Variants in KCTD14 observed in about 807,000 individuals in gnomAD.
The protein encoded by KCTD14 is potassium channel tetramerization domain containing 14.
A neutral mutation model predicts 5.9 loss-of-function variants in KCTD14; 7 were observed. That is an observed-to-expected ratio of 1.19 (90% confidence interval 0.68 to 2.23). KCTD14 has a LOEUF of 2.23. Ranked by LOEUF, KCTD14 falls within the 30% of genes most tolerant of loss-of-function variation. The pLI is 0.00. For missense variants in KCTD14, 342 were observed against 332.2 expected (o/e 1.03, Z -0.23); for synonymous variants, 140 against 133.1 (o/e 1.05, Z -0.36).
intron 2 of KCTD14, among the ~76,000 whole-genome samples, chr11:78,038,038 TC>T (rs1857867117): frequency 1.3e-5 from 2 of 148,924 alleles, no homozygotes; most frequent in African/African-American, 4.9e-5. Flanking sequence ...GCCCCAGGCT[TC>T]CCCACCAGAC....
upstream of KCTD14, among the ~76,000 whole-genome samples, chr11:78,027,609 G>A (rs1442642717): frequency 6.6e-6 from 1 of 151,892 alleles, no homozygotes; most frequent in African/African-American, 2.4e-5. Flanking sequence ...GATCTGCCTG[G>A]CTCGGCCTCC....
chr11:78,044,251 GGTCTGGA>G (rs1445073068), intron 1 of KCTD14, among the ~76,000 whole-genome samples: 1 of 152,084 alleles, frequency 6.6e-6, no homozygotes, highest in African/African-American at 2.4e-5. Context: ...GAGACTCTGG[GGTCTGGA>G]ATCTGCCTGG....
intron 2 of KCTD14, among the ~76,000 whole-genome samples, chr11:78,029,086 T>G (rs1299946760): frequency 6.7e-6 from 1 of 149,046 alleles, no homozygotes; most frequent in Non-Finnish European, 1.5e-5. Context: ...TGGTGAGGCT[T>G]AGGCATGAGA....
At chr11:78,017,412 A>G (rs937814946) in intron 1 of KCTD14, 142 bp from the exon 2 acceptor site, 1 of 1,117,168 alleles carries the variant, frequency 9.0e-7, no homozygotes, top group African/African-American at 1.6e-5. Context: ...ATCTTACTAA[A>G]GAGGGTTATA....
At chr11:78,023,071 G>A in intron 1 of KCTD14, 89 bp downstream of exon 1, 1 of 890,642 alleles carries the variant, frequency 1.1e-6, no homozygotes, top group Non-Finnish European at 1.7e-6. Flanking sequence ...GTCTGGGAGG[G>A]ACGGGCAGGA....
rs375465490 is a variant in KCTD14, at chr11:78,016,901, G to T, written c.460C>A (p.Arg154Ser). Residue 154 changes from arginine (R) to serine (S), a missense_variant, in exon 2 of 2, where the codon CGC becomes AGC. Physicochemically the swap from Arg to Ser is moderately radical, Grantham distance 110. Coordinates refer to ENST00000353172, the MANE Select transcript of KCTD14 (RefSeq NM_023930.4). ...GYSENLELMV[R>S]LARAEAITAR... ...GTTATGGCTTCTGCACGTGCCAGGC[G>T]CACCATGAGCTCCAGGTTCTCGCTG... is the stretch of plus-strand genomic sequence containing the variant. 6.2e-7 allele frequency: 1 copy of T among 1,614,146 alleles called. No homozygotes were observed. Among genetic ancestry groups the T allele is most frequent in the South Asian group, 1.1e-5 (1 of 91,086 alleles).
rs553811335 is a variant in KCTD14, at chr11:78,018,615, G to A, written c.91-1345C>T. On this transcript the variant is annotated intron_variant, in intron 1 of 1. Coordinates refer to ENST00000353172, the MANE Select transcript of KCTD14 (RefSeq NM_023930.4). ...CCAGCTGCTCGGGAGGCTGAGGCAG[G>A]AGAATCGCTTGAACCCAGGAGGCAG... Among the ~76,000 whole-genome samples, 113 of 151,974 alleles carry A rather than the reference G, an allele frequency of 7.4e-4. 1 individual carries two copies. Among genetic ancestry groups the A allele is most frequent in the South Asian group, 6.5e-3 (31 of 4,806 alleles).
upstream of KCTD14, among the ~76,000 whole-genome samples, chr11:78,027,487 C>G (rs113229761): frequency 6.6e-6 from 1 of 151,894 alleles, no homozygotes; most frequent in South Asian, 2.1e-4. Flanking sequence ...CTCAGCCTCC[C>G]GAGTAGCTGG....
upstream of KCTD14, among the ~76,000 whole-genome samples, chr11:78,026,418 G>A (rs1031743960): frequency 6.6e-6 from 1 of 151,902 alleles, no homozygotes; most frequent in Non-Finnish European, 1.5e-5. Context: ...ACTCCAGCCT[G>A]GAAGATAGAG....
At chr11:78,027,237 A>T (rs1857492941), upstream of KCTD14, among the ~76,000 whole-genome samples, 1 of 152,146 alleles carries the variant, frequency 6.6e-6, no homozygotes, top group Admixed American at 6.6e-5. Context: ...AAGCAGATTC[A>T]ACGATTTTCT....
upstream of KCTD14, among the ~76,000 whole-genome samples, chr11:78,025,118 G>GTGTGTGTATATATATA (rs1230114793): frequency 4.5e-5 from 2 of 44,484 alleles, no homozygotes; most frequent in East Asian, 1.1e-3. Flanking sequence ...GTGTGTGTGT[G>GTGTGTGTATATATATA]TATATATATA....
At chr11:78,036,777 C>T (rs1249910906) in intron 2 of KCTD14, among the ~76,000 whole-genome samples, 8 of 152,208 alleles carry the variant, frequency 5.3e-5, no homozygotes, top group African/African-American at 1.9e-4. Flanking sequence ...ATGAGGGCAG[C>T]CAGTCTCCAC....
intron 2 of KCTD14, among the ~76,000 whole-genome samples, chr11:78,031,034 T>G (rs1857596724): frequency 6.7e-6 from 1 of 150,152 alleles, no homozygotes; most frequent in Admixed American, 6.8e-5. Context: ...ATAACGCTGA[T>G]AGCAAGTAAT....
chr11:78,024,419 C>T (rs1435395567), upstream of KCTD14, among the ~76,000 whole-genome samples: 19 of 60,778 alleles, frequency 3.1e-4, 1 homozygote, highest in South Asian at 0.012. Context: ...TATACACACA[C>T]ACACACACAC....
chr11:78,022,805 A>G, intron 1 of KCTD14: 1 of 216,862 alleles, frequency 4.6e-6, no homozygotes, highest in Non-Finnish European at 9.2e-6. Flanking sequence ...CACCGGGAGC[A>G]AGGGAGAAGG....
At chr11:78,040,330 CTTGT>C (rs962613945) in intron 1 of KCTD14, among the ~76,000 whole-genome samples, 4 of 152,066 alleles carry the variant, frequency 2.6e-5, no homozygotes, top group Non-Finnish European at 5.9e-5. Flanking sequence ...TTCTCTCTTC[CTTGT>C]CTCTTTTCTT....
intron 1 of KCTD14, among the ~76,000 whole-genome samples, chr11:78,020,893 T>A (rs112548256): frequency 6.6e-6 from 1 of 152,292 alleles, no homozygotes; most frequent in Admixed American, 6.5e-5. Flanking sequence ...CTAAGCTTAG[T>A]CATCTGTGAA....
intron 1 of KCTD14, among the ~76,000 whole-genome samples, chr11:78,038,983 C>A (rs972518589): frequency 1.3e-5 from 2 of 150,936 alleles, no homozygotes; most frequent in Non-Finnish European, 2.9e-5. Flanking sequence ...CAGGAATTGG[C>A]GCCCTGCCTA....
chr11:78,043,766 AGAAG>A (rs374214299), intron 1 of KCTD14, among the ~76,000 whole-genome samples: 139 of 152,312 alleles, frequency 9.1e-4, no homozygotes, highest in African/African-American at 3.2e-3. Context: ...CAGCTGACAG[AGAAG>A]GAAGGGTTTC....
Sources: gnomAD v4.1 joint callset for allele counts (sites outside exome capture counted in the v4.1 genomes callset) on GRCh38, gnomAD v4.1.1 for gene constraint, MANE v1.5 for transcripts, NCBI Gene and HGNC (gene_info 2026-07-23, HGNC 2026-07-21) for gene names.